Variants in NAALADL2 observed in about 807,000 individuals in gnomAD.
NAALADL2 encodes the protein inactive N-acetylated-alpha-linked acidic dipeptidase-like protein 2.
Under a neutral mutation model 87.2 loss-of-function variants are expected in NAALADL2, and 76 were observed. That is an observed-to-expected ratio of 0.87 (90% confidence interval 0.72 to 1.05). The LOEUF is 1.05. Among genes scored for constraint, NAALADL2 ranks in the 50% least tolerant of loss-of-function variants. NAALADL2 has a pLI of 0.00. For missense variants in NAALADL2, 1,089 were observed against 945.8 expected, an observed-to-expected ratio of 1.15 and a Z score of -1.99; for synonymous variants, 354 against 331.0, an observed-to-expected ratio of 1.07 and a Z score of -0.75.
intron 11 of NAALADL2, among the ~76,000 whole-genome samples, chr3:175,639,664 T>A (rs1248982104): frequency 6.6e-6 from 1 of 152,162 alleles, no homozygotes; most frequent in East Asian, 1.9e-4. Context: ...ACTTTTGTGG[T>A]TGATACACTA....
chr3:175,767,620 C>A (rs994179212), intron 13 of NAALADL2: 1 of 151,892 alleles, frequency 6.6e-6, no homozygotes, highest in Non-Finnish European at 1.5e-5. Context: ...ATGGCCCTTG[C>A]GCAAGGATGA....
intron 2 of NAALADL2, among the ~76,000 whole-genome samples, chr3:174,556,935 G>A (rs978095632): frequency 1.3e-5 from 2 of 151,934 alleles, no homozygotes; most frequent in African/African-American, 4.8e-5. Flanking sequence ...ATAGAGATGC[G>A]GTCTCACCAT....
intron 2 of NAALADL2, 128 bp downstream of exon 2, chr3:175,097,419 C>G: frequency 1.2e-6 from 1 of 834,466 alleles, no homozygotes; most frequent in Non-Finnish European, 1.9e-6. Flanking sequence ...ATCACCACAA[C>G]AAGAATAGAA....
intron 2 of NAALADL2, among the ~76,000 whole-genome samples, chr3:174,631,608 A>G (rs2108696194): frequency 6.6e-6 from 1 of 152,336 alleles, no homozygotes; most frequent in African/African-American, 2.4e-5. Flanking sequence ...TTCCAAATGG[A>G]CAAGACAAGA....
At chr3:175,256,680 A>G (rs1750003699) in intron 4 of NAALADL2, 150 bp downstream of exon 4, 3 of 579,846 alleles carry the variant, frequency 5.2e-6, no homozygotes, top group Non-Finnish European at 8.2e-6. Flanking sequence ...AGAGAGTGTC[A>G]CAGAAAGATG....
chr3:175,203,065 A>T (rs952180973), intron 2 of NAALADL2, among the ~76,000 whole-genome samples: 1 of 152,114 alleles, frequency 6.6e-6, no homozygotes, highest in Non-Finnish European at 1.5e-5. Flanking sequence ...TCCTAGCTGC[A>T]AAAGAAAAAG....
chr3:175,357,023 G>A (rs1414498770), intron 5 of NAALADL2, among the ~76,000 whole-genome samples: 3 of 152,038 alleles, frequency 2.0e-5, no homozygotes, highest in African/African-American at 4.8e-5. Context: ...TTTTCAAACC[G>A]AGCTGTTTTC....
chr3:175,007,765 G>A (rs536865104), intron 1 of NAALADL2, among the ~76,000 whole-genome samples: 8 of 151,922 alleles, frequency 5.3e-5, no homozygotes, highest in South Asian at 2.1e-4. Context: ...TTTATACTAC[G>A]AAAAGGTTTA....
chr3:174,790,759 A>G (rs191493039), intron 3 of NAALADL2, among the ~76,000 whole-genome samples: 7 of 152,190 alleles, frequency 4.6e-5, no homozygotes, highest in Admixed American at 1.3e-4. Flanking sequence ...TAAATCATTA[A>G]CATACCAATA....
chr3:175,266,226 C>T (rs1010469376), intron 4 of NAALADL2, among the ~76,000 whole-genome samples: 12 of 150,930 alleles, frequency 8.0e-5, no homozygotes, highest in African/African-American at 2.9e-4. Flanking sequence ...TTCATAGTTA[C>T]TTGAATATTA....
At chr3:175,079,131 G>T (rs1717229716) in intron 1 of NAALADL2, among the ~76,000 whole-genome samples, 1 of 152,150 alleles carries the variant, frequency 6.6e-6, no homozygotes, top group African/African-American at 2.4e-5. Flanking sequence ...CTTAGTGAGT[G>T]TGAATTGGTT....
chr3:174,653,993 A>T (rs1013309533), intron 2 of NAALADL2, among the ~76,000 whole-genome samples: 1 of 151,670 alleles, frequency 6.6e-6, no homozygotes, highest in Non-Finnish European at 1.5e-5. Flanking sequence ...GCTGCAACTT[A>T]TCTCAGGATT....
intron 1 of NAALADL2, among the ~76,000 whole-genome samples, chr3:175,095,621 T>C (rs149173834): frequency 0.011 from 1,699 of 152,208 alleles, 35 homozygotes; most frequent in African/African-American, 0.039. Flanking sequence ...GAGACATGTA[T>C]GGCCATAATT....
At chr3:174,909,407 A>T (rs1733392828) in intron 1 of NAALADL2, among the ~76,000 whole-genome samples, 1 of 152,128 alleles carries the variant, frequency 6.6e-6, no homozygotes, top group African/African-American at 2.4e-5. Flanking sequence ...AAAAACAATT[A>T]TAGAGCACTC....
chr3:175,493,018 A>G (rs970411439), intron 9 of NAALADL2, among the ~76,000 whole-genome samples: 3 of 152,066 alleles, frequency 2.0e-5, no homozygotes, highest in Non-Finnish European at 4.4e-5. Context: ...TTATGTGTAC[A>G]TATGTTAATG....
intron 2 of NAALADL2, among the ~76,000 whole-genome samples, chr3:174,604,846 A>G (rs1718833786): frequency 6.6e-6 from 1 of 150,842 alleles, no homozygotes; most frequent in South Asian, 2.1e-4. Flanking sequence ...TTGGCTCACC[A>G]CAACCTCCAT....
rs79223789 is a variant in NAALADL2, at chr3:174,568,502, G to C, written c.-115+17865G>C. Among the ~76,000 whole-genome samples the C allele has an allele frequency of 8.5e-3, 1,291 of 151,832 alleles. 11 individuals are homozygous for C. The highest frequency in any genetic ancestry group is 0.014 in the Non-Finnish European group (964 of 67,762). ...TATTGAATTAAGTGCTTTAGTATCA[G>C]TACAAATAAAAAAGGAAGGACAACT... On this transcript the variant is annotated intron_variant, in intron 2 of 3. Transcript: ENST00000434257.
chr3:174,972,362 G>T (rs1743801975), intron 1 of NAALADL2, among the ~76,000 whole-genome samples: 1 of 152,096 alleles, frequency 6.6e-6, no homozygotes, highest in Admixed American at 6.6e-5. Context: ...ACATAAATTT[G>T]TTTTCTCACA....
chr3:175,137,210 G>A (rs1393508243), intron 2 of NAALADL2, among the ~76,000 whole-genome samples: 1 of 151,902 alleles, frequency 6.6e-6, no homozygotes, highest in Non-Finnish European at 1.5e-5. Context: ...TAGAAAAAAA[G>A]GTTACCTTCA....
Sources: gnomAD v4.1 joint callset for allele counts (sites outside exome capture counted in the v4.1 genomes callset) on GRCh38, gnomAD v4.1.1 for gene constraint, MANE v1.5 for transcripts, NCBI Gene and HGNC (gene_info 2026-07-23, HGNC 2026-07-21) for gene names.